Variants in PID1 observed in about 807,000 individuals in gnomAD.
PID1 encodes phosphotyrosine interaction domain containing 1, also known as PTB-containing, cubilin and LRP1-interacting protein.
PID1 carries 10 observed loss-of-function variants against 19.1 expected under a neutral mutation model. The ratio of observed to expected loss-of-function variants is 0.52; its 90% CI spans 0.32 to 0.89. The LOEUF (loss-of-function observed/expected upper bound fraction) is 0.89, where lower values mean the gene tolerates loss of function less well. PID1 is among the 40% of genes least tolerant of loss of function. PID1 has a pLI of 0.03. For synonymous variants in PID1, 130 were observed against 116.0 expected (o/e 1.12, Z -0.78); for missense variants, 248 against 285.3 (o/e 0.87, Z 0.94).
At chr2:229,240,652 C>T (rs898112190) in intron 1 of PID1, among the ~76,000 whole-genome samples, 2 of 152,070 alleles carry the variant, frequency 1.3e-5, no homozygotes, top group Non-Finnish European at 2.9e-5. Context: ...CTTTGACTTT[C>T]AGCATTTTGA....
At chr2:229,263,242 G>T (rs563187355) in intron 1 of PID1, among the ~76,000 whole-genome samples, 1 of 152,304 alleles carries the variant, frequency 6.6e-6, no homozygotes, top group South Asian at 2.1e-4. Context: ...TTCAGGTGCT[G>T]CTTACTGATC....
intron 2 of PID1, among the ~76,000 whole-genome samples, chr2:229,029,842 A>AC (rs1208575165): frequency 6.6e-6 from 1 of 151,414 alleles, no homozygotes; most frequent in Non-Finnish European, 1.5e-5. Flanking sequence ...TCCGTCTCAA[A>AC]AAAAAAAAAA....
intron 1 of PID1, among the ~76,000 whole-genome samples, chr2:229,170,583 A>G (rs1223457739): frequency 6.6e-6 from 1 of 152,162 alleles, no homozygotes; most frequent in African/African-American, 2.4e-5. Context: ...AATTGAATAT[A>G]ATTTTTTTCT....
intron 1 of PID1, among the ~76,000 whole-genome samples, chr2:229,258,062 G>C (rs1437450356): frequency 6.6e-6 from 1 of 152,200 alleles, no homozygotes; most frequent in Non-Finnish European, 1.5e-5. Flanking sequence ...AATATCTCCT[G>C]AGTCTACTGG....
chr2:229,247,093 T>C (rs1325013209), intron 1 of PID1, among the ~76,000 whole-genome samples: 1 of 152,124 alleles, frequency 6.6e-6, no homozygotes, highest in African/African-American at 2.4e-5. Context: ...TGGGGCAAAC[T>C]GAATACAAAG....
At chr2:229,103,984 A>T (rs778968391) in intron 2 of PID1, among the ~76,000 whole-genome samples, 12 of 152,208 alleles carry the variant, frequency 7.9e-5, no homozygotes, top group Non-Finnish European at 1.8e-4. Flanking sequence ...GCTTCTTATT[A>T]GGCTTTTAGG....
intron 2 of PID1, among the ~76,000 whole-genome samples, chr2:229,091,412 T>C (rs1694875272): frequency 6.6e-6 from 1 of 151,340 alleles, no homozygotes; most frequent in African/African-American, 2.4e-5. Flanking sequence ...GGAAACATCA[T>C]CAAACTCCTT....
intron 1 of PID1, among the ~76,000 whole-genome samples, chr2:229,200,445 AC>A (rs1192083495): frequency 1.3e-5 from 2 of 151,774 alleles, no homozygotes; most frequent in East Asian, 1.9e-4. Flanking sequence ...CTATAAAGGA[AC>A]CCTCCTCTGC....
intron 2 of PID1, among the ~76,000 whole-genome samples, chr2:229,150,229 CAAAA>C (rs11309150): frequency 4.1e-5 from 5 of 123,036 alleles, no homozygotes; most frequent in African/African-American, 3.1e-5. Context: ...GAGTGAGACT[CAAAA>C]AAAAAAAAAA....
chr2:229,155,288 C>T (rs1473941710), intron 2 of PID1, among the ~76,000 whole-genome samples: 1 of 151,938 alleles, frequency 6.6e-6, no homozygotes, highest in Admixed American at 6.6e-5. Flanking sequence ...GTCTTTAGGC[C>T]GGGCTTGGTG....
intron 2 of PID1, among the ~76,000 whole-genome samples, chr2:229,124,516 T>C (rs1415358647): frequency 6.6e-6 from 1 of 152,170 alleles, no homozygotes; most frequent in Non-Finnish European, 1.5e-5. Flanking sequence ...TAAAATCAGA[T>C]AGTACCACCC....
At chr2:229,107,109 A>T (rs957283669) in intron 2 of PID1, among the ~76,000 whole-genome samples, 3 of 152,088 alleles carry the variant, frequency 2.0e-5, no homozygotes, top group Middle Eastern at 3.2e-3. Context: ...TACTTCCATG[A>T]CCCAAGAAAT....
rs561983522 is a variant in PID1, at chr2:229,242,395, G to A, written c.30+28619C>T. ...AGTTATAGGTCCAAAAGAAAAACCC[G>A]TGATTCTACACCCACCCTATCCCAC... On this transcript the variant is annotated intron_variant, in intron 1 of 2. Coordinates refer to ENST00000392055, the MANE Select transcript of PID1 (RefSeq NM_001100818.2). Among the ~76,000 whole-genome samples, 229 of 152,110 alleles carry A rather than the reference G, an allele frequency of 1.5e-3. 1 individual carries two copies. Among genetic ancestry groups the A allele is most frequent in the African/African-American group, 5.1e-3 (212 of 41,488 alleles).
intron 2 of PID1, among the ~76,000 whole-genome samples, chr2:229,123,246 G>A (rs772235657): frequency 6.6e-6 from 1 of 152,098 alleles, no homozygotes; most frequent in Non-Finnish European, 1.5e-5. Context: ...CCTATTCAGG[G>A]ATACTTCAGG....
chr2:229,186,624 A>G (rs1049853049), intron 1 of PID1, among the ~76,000 whole-genome samples: 3 of 152,180 alleles, frequency 2.0e-5, no homozygotes, highest in African/African-American at 7.2e-5. Context: ...CATACAGCAC[A>G]GTGACCCTGG....
At chr2:229,148,841 A>T (rs1161735774) in intron 2 of PID1, among the ~76,000 whole-genome samples, 1 of 152,016 alleles carries the variant, frequency 6.6e-6, no homozygotes, top group African/African-American at 2.4e-5. Context: ...ATTGCAGAAA[A>T]ATAAAAGCTT....
chr2:229,224,198 G>A (rs1282989159), intron 1 of PID1, among the ~76,000 whole-genome samples: 3 of 152,148 alleles, frequency 2.0e-5, no homozygotes, highest in African/African-American at 7.2e-5. Flanking sequence ...TGGCGATGAT[G>A]CAAAGAAAAG....
chr2:229,085,746 G>A (rs1195499244), intron 2 of PID1, among the ~76,000 whole-genome samples: 2 of 151,912 alleles, frequency 1.3e-5, no homozygotes, highest in Non-Finnish European at 2.9e-5. Flanking sequence ...TTAAGTATAT[G>A]GTTCATCAGA....
intron 2 of PID1, among the ~76,000 whole-genome samples, chr2:229,049,679 A>C (rs1693951819): frequency 6.6e-6 from 1 of 152,234 alleles, no homozygotes; most frequent in South Asian, 2.1e-4. Flanking sequence ...CAAGTTTCAC[A>C]GCTCAGAAAT....
Sources: allele counts gnomAD v4.1 joint callset (sites outside exome capture counted in the v4.1 genomes callset), GRCh38; gene constraint gnomAD v4.1.1; transcripts MANE v1.5; gene names NCBI Gene and HGNC (gene_info 2026-07-23, HGNC 2026-07-21).